SUGCT: variants seen among roughly 807,000 people sequenced by gnomAD.
SUGCT encodes the protein succinyl-CoA:glutarate CoA-transferase.
SUGCT carries 41 observed loss-of-function variants against 55.0 expected under a neutral mutation model. The observed-to-expected ratio is 0.74, with a 90% confidence interval of 0.58 to 0.97. The LOEUF (loss-of-function observed/expected upper bound fraction) is 0.97. SUGCT is among the 50% of genes least tolerant of loss of function. The pLI, the probability that SUGCT is intolerant of heterozygous loss-of-function variation, is 0.00. For synonymous variants in SUGCT, 187 were observed against 200.4 expected, an observed-to-expected ratio of 0.93 and a Z score of 0.56; for missense variants, 568 against 547.8, an observed-to-expected ratio of 1.04 and a Z score of -0.37.
chr7:40,213,786 G>T (rs981422777), intron 6 of SUGCT, among the ~76,000 whole-genome samples: 1 of 152,118 alleles, frequency 6.6e-6, no homozygotes, highest in Non-Finnish European at 1.5e-5. Context: ...CAATATTATT[G>T]TTTTTTGTTT....
intron 7 of SUGCT, among the ~76,000 whole-genome samples, chr7:40,268,270 C>T (rs1368572707): frequency 3.9e-5 from 6 of 152,172 alleles, no homozygotes; most frequent in South Asian, 4.1e-4. Flanking sequence ...TTCCTGCCTC[C>T]GCCCAGCCCC....
intron 7 of SUGCT, among the ~76,000 whole-genome samples, chr7:40,272,193 T>C (rs71537715): frequency 0.065 from 4,908 of 76,088 alleles, 366 homozygotes; most frequent in Non-Finnish European, 0.094. Flanking sequence ...TATATATATA[T>C]ACAGGGTCTC....
the SUGCT span, among the ~76,000 whole-genome samples, chr7:40,948,449 A>ATGC: frequency 6.6e-6 from 1 of 151,510 alleles, no homozygotes; most frequent in Non-Finnish European, 1.5e-5. Flanking sequence ...GATGATGATG[A>ATGC]TGATGATGAT....
chr7:41,030,654 C>A, the SUGCT span, among the ~76,000 whole-genome samples: 2 of 152,058 alleles, frequency 1.3e-5, no homozygotes, highest in Non-Finnish European at 2.9e-5. Flanking sequence ...TTTCCCACAC[C>A]ACCCCAATTT....
chr7:40,765,231 A>C (rs1393711048), intron 13 of SUGCT, among the ~76,000 whole-genome samples: 2 of 152,158 alleles, frequency 1.3e-5, no homozygotes, highest in Non-Finnish European at 2.9e-5. Context: ...ACTGTCATGT[A>C]AATACATTTG....
chr7:40,644,347 T>C (rs1800400381), intron 12 of SUGCT, among the ~76,000 whole-genome samples: 1 of 152,228 alleles, frequency 6.6e-6, no homozygotes, highest in Non-Finnish European at 1.5e-5. Context: ...GCCTCTCTGG[T>C]TCTGGGCTGT....
chr7:40,757,064 C>G (rs1788288775), intron 13 of SUGCT, among the ~76,000 whole-genome samples: 1 of 152,152 alleles, frequency 6.6e-6, no homozygotes, highest in East Asian at 1.9e-4. Flanking sequence ...TGAAATCAAT[C>G]AGTGTATTCT....
At chr7:40,934,737 C>G in the SUGCT span, among the ~76,000 whole-genome samples, 7 of 152,192 alleles carry the variant, frequency 4.6e-5, no homozygotes, top group Non-Finnish European at 8.8e-5. Flanking sequence ...GGGTGTAGGA[C>G]CCGCCAAGCC....
the SUGCT span, among the ~76,000 whole-genome samples, chr7:41,032,186 T>C: frequency 2.0e-5 from 3 of 152,188 alleles, no homozygotes; most frequent in African/African-American, 7.2e-5. Context: ...CTTCCCCAGA[T>C]AGGCCAAGTG....
At chr7:40,607,601 A>G (rs1798590651) in intron 12 of SUGCT, among the ~76,000 whole-genome samples, 2 of 152,352 alleles carry the variant, frequency 1.3e-5, no homozygotes, top group Middle Eastern at 3.4e-3. Flanking sequence ...ATTAGTAAAC[A>G]TGTATTGAGC....
Position 40,613,614 on chromosome 7 carries a change from A to AT in SUGCT, c.1089+117242dup, listed in dbSNP as rs34035338. ...CCTTCCCAGTCTTATCCTGCACCCA[A>AT]TTTTTTTTTTTTTTGAGATGGAGTC... On this transcript the variant is annotated intron_variant, in intron 12 of 13. Transcript: ENST00000335693. Among the ~76,000 whole-genome samples the AT allele has an allele frequency of 3.1e-3, 455 of 144,786 alleles. 2 individuals are homozygous for AT. The highest frequency in any genetic ancestry group is 7.0e-3 in the Middle Eastern group (2 of 286). The allele number at this position is 144,786 out of a possible 152,430, so 95.0% of individuals were successfully genotyped here.
chr7:40,594,579 G>A (rs1329433557), intron 12 of SUGCT, among the ~76,000 whole-genome samples: 1 of 152,074 alleles, frequency 6.6e-6, no homozygotes, highest in African/African-American at 2.4e-5. Context: ...ATAAAATGAG[G>A]AGTCTGAGTC....
chr7:40,597,256 G>T (rs974355609), intron 12 of SUGCT, among the ~76,000 whole-genome samples: 1 of 152,114 alleles, frequency 6.6e-6, no homozygotes, highest in Non-Finnish European at 1.5e-5. Flanking sequence ...ACAGGGAATT[G>T]TTCTAGCCTA....
chr7:40,484,245 TGTGA>T (rs752904571), intron 11 of SUGCT, among the ~76,000 whole-genome samples: 3 of 152,256 alleles, frequency 2.0e-5, no homozygotes, highest in Non-Finnish European at 4.4e-5. Flanking sequence ...CAGACTTGAA[TGTGA>T]GTATCTTAAT....
chr7:40,159,363 T>A (rs923199839), intron 1 of SUGCT, among the ~76,000 whole-genome samples: 8 of 152,166 alleles, frequency 5.3e-5, no homozygotes, highest in South Asian at 2.1e-4. Context: ...TAGTTTTTTT[T>A]AATTGTTGTC....
At chr7:40,561,562 C>T (rs2151663309) in intron 12 of SUGCT, among the ~76,000 whole-genome samples, 1 of 152,134 alleles carries the variant, frequency 6.6e-6, no homozygotes, top group African/African-American at 2.4e-5. Flanking sequence ...AAGACAAACA[C>T]AGTGGATTCA....
At chr7:40,456,559 T>C (rs1789499746) in intron 10 of SUGCT, among the ~76,000 whole-genome samples, 1 of 151,856 alleles carries the variant, frequency 6.6e-6, no homozygotes, top group South Asian at 2.1e-4. Flanking sequence ...ATAATAAATA[T>C]GTTAGGTGAT....
the SUGCT span, among the ~76,000 whole-genome samples, chr7:40,937,992 T>C: frequency 3.9e-5 from 6 of 152,246 alleles, no homozygotes; most frequent in South Asian, 2.1e-4. Flanking sequence ...CAGTTCACAA[T>C]TGGGTTTGTG....
intron 9 of SUGCT, among the ~76,000 whole-genome samples, chr7:40,415,683 G>A (rs1469812825): frequency 1.3e-5 from 2 of 151,914 alleles, no homozygotes; most frequent in Non-Finnish European, 2.9e-5. Context: ...GAAACATGAT[G>A]TGAAATAATG....
Sources: gnomAD v4.1 joint callset for allele counts (sites outside exome capture counted in the v4.1 genomes callset) on GRCh38, gnomAD v4.1.1 for gene constraint, MANE v1.5 for transcripts, NCBI Gene and HGNC (gene_info 2026-07-23, HGNC 2026-07-21) for gene names.